The following KIAA1671 variants were observed in gnomAD, a reference collection of about 807,000 sequenced individuals.
The protein encoded by KIAA1671 is uncharacterized protein KIAA1671.
A neutral mutation model predicts 131.2 loss-of-function variants in KIAA1671; 52 were observed. That is an observed-to-expected ratio of 0.40 (90% CI 0.32 to 0.50). The LOEUF is 0.50. Among genes scored for constraint, KIAA1671 ranks in the 20% least tolerant of loss-of-function variants. KIAA1671 has a pLI of 0.73. For missense variants in KIAA1671, 2,360 were observed against 2,364.2 expected (o/e 1.00, Z 0.04); for synonymous variants, 1,003 against 961.6 (o/e 1.04, Z -0.80).
intron 6 of KIAA1671, among the ~76,000 whole-genome samples, chr22:25,114,468 A>G (rs1201519151): frequency 6.6e-6 from 1 of 152,252 alleles, no homozygotes; most frequent in African/African-American, 2.4e-5. Flanking sequence ...GAACATGTGC[A>G]GTGTTGCAGA....
At chr22:24,998,453 C>T (rs1156899062) in intron 1 of KIAA1671, among the ~76,000 whole-genome samples, 1 of 151,872 alleles carries the variant, frequency 6.6e-6, no homozygotes, top group Non-Finnish European at 1.5e-5. Context: ...GGCACGGTGG[C>T]TCACACCTGT....
chr22:25,142,437 C>T (rs1306165054), intron 6 of KIAA1671, among the ~76,000 whole-genome samples: 1 of 152,200 alleles, frequency 6.6e-6, no homozygotes, highest in Non-Finnish European at 1.5e-5. Context: ...CCAACAATTC[C>T]ATGGTCACCA....
rs1218676525 is a variant in KIAA1671, at chr22:25,155,341, TCATTTGTGTGTG to T, written c.4531-15466_4531-15455del. On this transcript the variant is annotated intron_variant, in intron 6 of 12. Transcript: ENST00000358431. The stretch of plus-strand genomic sequence containing the variant: ...CCAAAAACAGTGCTGCTGGGACCAT[TCATTTGTGTGTG>T]CATTTGTGTGTGTATTATATATGTT... 8.5e-5 allele frequency among the ~76,000 whole-genome samples: 13 copies of T among 152,284 alleles called. No homozygotes were observed. The East Asian group carries it at 2.3e-3, about 27-fold the overall frequency.
At chr22:25,087,686 C>T (rs1929801238) in intron 6 of KIAA1671, among the ~76,000 whole-genome samples, 1 of 152,236 alleles carries the variant, frequency 6.6e-6, no homozygotes, top group Non-Finnish European at 1.5e-5. Flanking sequence ...GAAGCAGACT[C>T]TGAGGTGGGG....
chr22:24,966,340 C>A (rs887343023), intron 1 of KIAA1671, among the ~76,000 whole-genome samples: 1 of 152,182 alleles, frequency 6.6e-6, no homozygotes. Flanking sequence ...GGGAGCCCAG[C>A]GGGTGCATTG....
intron 10 of KIAA1671, among the ~76,000 whole-genome samples, chr22:25,182,322 C>T (rs1934319062): frequency 6.7e-6 from 1 of 148,878 alleles, no homozygotes; most frequent in African/African-American, 2.5e-5. Flanking sequence ...TTTCTCCTTC[C>T]TTTTCTCTTC....
At chr22:25,093,824 TTCTCTCTCTGTCTGTCTCTCTCTCTCTC>T (rs1930243374) in intron 6 of KIAA1671, among the ~76,000 whole-genome samples, 4 of 21,922 alleles carry the variant, frequency 1.8e-4, no homozygotes, top group African/African-American at 5.5e-4. Context: ...CTCTCTCTCT[TTCTCTCTCTGTCTGTCTCTCTCTCTCTC>T]TCTCTCTCTC....
chr22:25,160,305 C>CCA (rs1826742230), intron 6 of KIAA1671, among the ~76,000 whole-genome samples: 1 of 152,274 alleles, frequency 6.6e-6, no homozygotes, highest in African/African-American at 2.4e-5. Flanking sequence ...CACGGGTGTG[C>CCA]CCCTGTGGGT....
At position 25,075,226 on chromosome 22, in the gene KIAA1671, G is replaced by C. The variant is rs917164618; in HGVS notation, c.4530+25862G>C. Among the ~76,000 whole-genome samples the C allele has an allele frequency of 3.9e-5, 6 of 152,118 alleles. No homozygotes were observed. In the South Asian group the frequency reaches 8.3e-4, roughly 21 times the overall value. On this transcript the variant is annotated intron_variant, in intron 6 of 12. Transcript: ENST00000358431. ...GACAGGGGTGCTACTGGCATATGGTGGGTAGACACCAAGGATGCTGCTTTA... is the reference window on the plus strand; with the variant it reads ...GACAGGGGTGCTACTGGCATATGGTCGGTAGACACCAAGGATGCTGCTTTA...
intron 6 of KIAA1671, among the ~76,000 whole-genome samples, chr22:25,138,907 A>C (rs939545615): frequency 6.6e-6 from 1 of 152,120 alleles, no homozygotes; most frequent in Non-Finnish European, 1.5e-5. Flanking sequence ...GGAAACTTCC[A>C]GAGATCTCAG....
At chr22:24,994,528 C>A (rs1328467867) in intron 1 of KIAA1671, among the ~76,000 whole-genome samples, 1 of 152,158 alleles carries the variant, frequency 6.6e-6, no homozygotes, top group African/African-American at 2.4e-5. Context: ...TGGGTGGAGT[C>A]CAACAGTGTT....
rs1317151522 is a variant in KIAA1671 at position 25,032,649 on chromosome 22, A to C, written c.1582A>C (p.Lys528Gln). 2 of 1,548,040 alleles carry C rather than the reference A, an allele frequency of 1.3e-6. No individual in the cohort carries two copies. Among genetic ancestry groups the C allele is most frequent in the Non-Finnish European group, 1.7e-6 (2 of 1,144,074 alleles). ...SASSNEVKYE[K>Q]SAELSGEFPK... Reference sequence around the variant, plus strand: ...TTCCAGCAACGAAGTCAAATATGAGAAGAGTGCTGAGCTGAGCGGCGAGTT... The same window carrying C: ...TTCCAGCAACGAAGTCAAATATGAGCAGAGTGCTGAGCTGAGCGGCGAGTT... Residue 528 changes from lysine to glutamine, a missense_variant, in exon 4 of 13, where the codon AAG (lysine) becomes CAG (glutamine). Lys to Gln is a moderately conservative substitution (Grantham distance 53). Transcript: ENST00000358431.
intron 1 of KIAA1671, among the ~76,000 whole-genome samples, chr22:24,993,804 G>A (rs955036555): frequency 2.6e-5 from 4 of 151,994 alleles, no homozygotes; most frequent in African/African-American, 9.7e-5. Flanking sequence ...GTGCAGCCGG[G>A]TATGGTGGCT....
At chr22:24,953,445 C>A (rs914929412) in intron 1 of KIAA1671, among the ~76,000 whole-genome samples, 1 of 152,008 alleles carries the variant, frequency 6.6e-6, no homozygotes, top group African/African-American at 2.4e-5. Flanking sequence ...GCGCGCGGGG[C>A]CCCTCGGACG....
chr22:25,033,763 G>A (rs1199171475), intron 4 of KIAA1671, among the ~76,000 whole-genome samples: 3 of 151,592 alleles, frequency 2.0e-5, no homozygotes, highest in Non-Finnish European at 4.4e-5. Flanking sequence ...TGTATTTTTA[G>A]TAGAGTTGGG....
At chr22:25,140,675 G>T (rs5760874) in intron 6 of KIAA1671, among the ~76,000 whole-genome samples, 2 of 152,168 alleles carry the variant, frequency 1.3e-5, no homozygotes, top group South Asian at 2.1e-4. Flanking sequence ...CATGCAGTGA[G>T]CCGTGAGGGT....
intron 6 of KIAA1671, among the ~76,000 whole-genome samples, chr22:25,137,668 T>G (rs1181268615): frequency 1.3e-5 from 2 of 152,254 alleles, no homozygotes; most frequent in Non-Finnish European, 2.9e-5. Context: ...TTTACCAACT[T>G]CTATAAGTGT....
Position 25,174,930 on chromosome 22 carries a change from A to G in KIAA1671, c.4899+441A>G, listed in dbSNP as rs558050074. ...TTCTCACTAAGGTCTTGCTTGGTAC[A>G]ACAGTGTCCCTGGTATCAGGGGATC... On this transcript the variant is annotated intron_variant, in intron 8 of 12. Transcript: ENST00000358431. 198 of 155,364 alleles carry G rather than the reference A, an allele frequency of 1.3e-3. 3 individuals carry two copies. The South Asian group carries it at 0.031, about 25-fold the overall frequency. The allele number at this position is 155,364 out of a possible 1,614,324, so 9.6% of individuals were successfully genotyped here.
intron 6 of KIAA1671, among the ~76,000 whole-genome samples, chr22:25,146,626 G>A (rs1932883568): frequency 6.6e-6 from 1 of 152,218 alleles, no homozygotes; most frequent in African/African-American, 2.4e-5. Flanking sequence ...CCCCAGGGCA[G>A]GTGACTTCCC....
Sources: allele counts gnomAD v4.1 joint callset (sites outside exome capture counted in the v4.1 genomes callset), GRCh38; gene constraint gnomAD v4.1.1; transcripts MANE v1.5; gene names NCBI Gene and HGNC (gene_info 2026-07-23, HGNC 2026-07-21).